Variants in DLG2 observed in about 807,000 individuals in gnomAD.
DLG2 encodes the protein disks large homolog 2.
Under a neutral mutation model 132.5 loss-of-function variants are expected in DLG2, and 45 were observed. The observed-to-expected ratio is 0.34, with a 90% CI of 0.27 to 0.44. DLG2 has a LOEUF of 0.44. DLG2 is among the 20% of genes least tolerant of loss of function. DLG2 has a pLI of 1.00. For synonymous variants in DLG2, 424 were observed against 419.6 expected, an observed-to-expected ratio of 1.01 and a Z score of -0.13; for missense variants, 1,045 against 1,196.9, an observed-to-expected ratio of 0.87 and a Z score of 1.87.
intron 9 of DLG2, among the ~76,000 whole-genome samples, chr11:84,128,948 C>T (rs1169242467): frequency 2.6e-5 from 4 of 152,122 alleles, no homozygotes; most frequent in Non-Finnish European, 4.4e-5. Context: ...GTTGTCAACT[C>T]GTTTTCTTAA....
At chr11:84,836,315 AAAT>A (rs1299596769) in intron 6 of DLG2, among the ~76,000 whole-genome samples, 12 of 151,772 alleles carry the variant, frequency 7.9e-5, no homozygotes, top group Non-Finnish European at 1.3e-4. Flanking sequence ...GGAGTGGGAA[AAAT>A]AATATTTTTT....
chr11:85,424,980 A>G (rs976094277), intron 3 of DLG2, among the ~76,000 whole-genome samples: 2 of 152,276 alleles, frequency 1.3e-5, no homozygotes, highest in African/African-American at 2.4e-5. Context: ...GAAAGTTTCC[A>G]TGGTCACCTT....
At chr11:84,308,362 G>C (rs1298403861) in intron 7 of DLG2, among the ~76,000 whole-genome samples, 1 of 152,200 alleles carries the variant, frequency 6.6e-6, no homozygotes, top group East Asian at 1.9e-4. Flanking sequence ...GCTAGACACA[G>C]GGTGCTGACT....
At chr11:83,993,773 C>G (rs1039562357) in intron 11 of DLG2, among the ~76,000 whole-genome samples, 3 of 152,130 alleles carry the variant, frequency 2.0e-5, no homozygotes, top group Admixed American at 6.6e-5. Flanking sequence ...CCATGCAAAC[C>G]AAGGTCATTA....
At chr11:84,533,256 G>A (rs528270636) in intron 7 of DLG2, among the ~76,000 whole-genome samples, 4 of 152,224 alleles carry the variant, frequency 2.6e-5, no homozygotes, top group African/African-American at 4.8e-5. Flanking sequence ...TCTGCCTTCC[G>A]CATGACATCG....
At chr11:83,893,070 A>G (rs894312150) in intron 15 of DLG2, among the ~76,000 whole-genome samples, 4 of 152,004 alleles carry the variant, frequency 2.6e-5, no homozygotes, top group African/African-American at 9.7e-5. Context: ...TTTCCATCAT[A>G]CTCCATACCC....
intron 6 of DLG2, among the ~76,000 whole-genome samples, chr11:84,600,156 GAAGGAAA>G (rs2099572479): frequency 1.1e-5 from 1 of 90,772 alleles, no homozygotes; most frequent in Non-Finnish European, 2.2e-5. Flanking sequence ...AAGAAAGAAA[GAAGGAAA>G]GAAAGAAAGA....
intron 4 of DLG2, among the ~76,000 whole-genome samples, chr11:85,210,587 G>T (rs933206986): frequency 6.6e-6 from 1 of 151,806 alleles, no homozygotes; most frequent in Non-Finnish European, 1.5e-5. Context: ...AAGCCACTCA[G>T]ATCTCTTTCA....
chr11:85,425,285 A>G (rs921475315), intron 3 of DLG2, among the ~76,000 whole-genome samples: 2 of 152,236 alleles, frequency 1.3e-5, no homozygotes, highest in African/African-American at 2.4e-5. Context: ...GATGAAAAAC[A>G]TTTGCTCTAT....
At chr11:83,733,914 C>T (rs1170210131) in intron 18 of DLG2, among the ~76,000 whole-genome samples, 1 of 152,020 alleles carries the variant, frequency 6.6e-6, no homozygotes, top group Non-Finnish European at 1.5e-5. Flanking sequence ...ATTCCTCATC[C>T]CTCTCCTACC....
chr11:83,601,083 T>C (rs904503869), intron 19 of DLG2, among the ~76,000 whole-genome samples: 26 of 152,336 alleles, frequency 1.7e-4, no homozygotes, highest in African/African-American at 5.8e-4. Context: ...TAGAGTAAGA[T>C]ACAATCTATA....
intron 2 of DLG2, among the ~76,000 whole-genome samples, chr11:85,606,637 C>A (rs1389747835): frequency 6.6e-6 from 1 of 152,192 alleles, no homozygotes; most frequent in Non-Finnish European, 1.5e-5. Flanking sequence ...CCCTTCCACA[C>A]TGTGGAAGCT....
intron 3 of DLG2, among the ~76,000 whole-genome samples, chr11:85,475,458 TATAAA>T (rs2093112980): frequency 1.3e-5 from 2 of 152,072 alleles, no homozygotes; most frequent in Admixed American, 1.3e-4. Flanking sequence ...GTCAAAACTC[TATAAA>T]ATAATATTTT....
At chr11:85,198,348 G>A (rs2081212601) in intron 4 of DLG2, among the ~76,000 whole-genome samples, 1 of 152,164 alleles carries the variant, frequency 6.6e-6, no homozygotes, top group South Asian at 2.1e-4. Flanking sequence ...AGAACACACT[G>A]AAAATTATGA....
At chr11:85,163,056 C>T (rs1423896690) in intron 4 of DLG2, among the ~76,000 whole-genome samples, 1 of 152,144 alleles carries the variant, frequency 6.6e-6, no homozygotes, top group African/African-American at 2.4e-5. Context: ...CAGCCTACAT[C>T]CTTCTCCCAT....
chr11:84,772,800 G>C (rs1198001393), intron 6 of DLG2, among the ~76,000 whole-genome samples: 1 of 152,100 alleles, frequency 6.6e-6, no homozygotes, highest in Non-Finnish European at 1.5e-5. Flanking sequence ...AAAAGCAGCG[G>C]TAAGAGGAAA....
chr11:84,928,982 G>GTGTATATATATATATATA (rs1400906684), intron 6 of DLG2, among the ~76,000 whole-genome samples: 7 of 49,106 alleles, frequency 1.4e-4, no homozygotes, highest in Non-Finnish European at 2.5e-4. Context: ...GTGTGTGTGT[G>GTGTATATATATATATATA]TATATATATA....
intron 4 of DLG2, among the ~76,000 whole-genome samples, chr11:85,169,034 G>A (rs1054333261): frequency 6.6e-6 from 1 of 152,080 alleles, no homozygotes; most frequent in African/African-American, 2.4e-5. Context: ...ATTTGTGTAT[G>A]CTCAAGTCCC....
chr11:85,180,864 G>C (rs1374344092), intron 4 of DLG2, among the ~76,000 whole-genome samples: 4 of 151,742 alleles, frequency 2.6e-5, no homozygotes, highest in South Asian at 4.1e-4. Context: ...TAAAGAAACT[G>C]AGGTTTCTGA....
Sources: gnomAD v4.1 joint callset for allele counts (sites outside exome capture counted in the v4.1 genomes callset) on GRCh38, gnomAD v4.1.1 for gene constraint, MANE v1.5 for transcripts, NCBI Gene and HGNC (gene_info 2026-07-23, HGNC 2026-07-21) for gene names.